The following PTK2 variants were observed in gnomAD, a reference collection of about 807,000 sequenced individuals.
PTK2 encodes focal adhesion kinase 1.
Under a neutral mutation model 150.1 loss-of-function variants are expected in PTK2, and 45 were observed. That is an observed-to-expected ratio of 0.30 (90% CI 0.24 to 0.38). The LOEUF (loss-of-function observed/expected upper bound fraction) is 0.38, where lower values mean the gene tolerates loss of function less well. Among genes scored for constraint, PTK2 ranks in the 10% least tolerant of loss-of-function variants. The pLI, the probability that PTK2 is intolerant of heterozygous loss-of-function variation, is 1.00. For missense variants in PTK2, 919 were observed against 1,307.3 expected (o/e 0.70, Z 4.58); for synonymous variants, 432 against 449.2 (o/e 0.96, Z 0.48).
chr8:140,743,454 A>G, intron 19 of PTK2, 124 bp from the exon 23 acceptor site: 1 of 543,794 alleles, frequency 1.8e-6, no homozygotes, highest in Non-Finnish European at 3.2e-6. Context: ...AGCAGATTAT[A>G]TGATATTTAT....
intron 7 of PTK2, among the ~76,000 whole-genome samples, chr8:140,833,671 C>T (rs913391510): frequency 7.2e-5 from 11 of 152,160 alleles, no homozygotes; most frequent in East Asian, 3.9e-4. Context: ...GTCCTGTATG[C>T]GAATAAAACA....
chr8:140,906,920 A>G (rs1375383722), intron 2 of PTK2, among the ~76,000 whole-genome samples: 1 of 152,228 alleles, frequency 6.6e-6, no homozygotes, highest in African/African-American at 2.4e-5. Flanking sequence ...CAATATTTAC[A>G]TACCAATAAC....
At chr8:140,674,859 C>A (rs1443358888) in intron 28 of PTK2, among the ~76,000 whole-genome samples, 3 of 148,428 alleles carry the variant, frequency 2.0e-5, no homozygotes, top group African/African-American at 7.4e-5. Flanking sequence ...CCAGCCTGGG[C>A]AACACGATGA....
At chr8:140,729,352 T>C (rs1437242363) in intron 22 of PTK2, among the ~76,000 whole-genome samples, 2 of 152,352 alleles carry the variant, frequency 1.3e-5, no homozygotes, top group East Asian at 3.9e-4. Context: ...CACCGTGTCA[T>C]GGCTTGGCTC....
intron 8 of PTK2, among the ~76,000 whole-genome samples, chr8:140,825,963 A>G (rs2100111531): frequency 6.6e-6 from 1 of 152,230 alleles, no homozygotes; most frequent in Non-Finnish European, 1.5e-5. Flanking sequence ...TAATTGAGGC[A>G]CATATATCCC....
At chr8:140,735,066 A>C in intron 22 of PTK2, 185 bp downstream of exon 25, 1 of 619,442 alleles carries the variant, frequency 1.6e-6, no homozygotes, top group East Asian at 2.8e-5. Flanking sequence ...TAAAGATATA[A>C]TTTACTTAAG....
intron 18 of PTK2, 47 bp from the exon 22 acceptor site, chr8:140,744,814 G>T: frequency 9.2e-7 from 1 of 1,092,050 alleles, no homozygotes; most frequent in Non-Finnish European, 1.3e-6. Context: ...AAGAATTAGT[G>T]GCAGTGAATC....
intron 4 of PTK2, among the ~76,000 whole-genome samples, chr8:140,875,475 G>T (rs926377051): frequency 6.6e-6 from 1 of 152,178 alleles, no homozygotes; most frequent in East Asian, 1.9e-4. Context: ...CCAGAGTGGA[G>T]GAGGAAGAGG....
At chr8:140,897,821 A>C (rs900746112) in intron 2 of PTK2, among the ~76,000 whole-genome samples, 9 of 152,212 alleles carry the variant, frequency 5.9e-5, no homozygotes, top group African/African-American at 2.2e-4. Context: ...TCTCTAAATG[A>C]AAAAAGTCTT....
intron 16 of PTK2, 93 bp downstream of exon 19, chr8:140,761,072 A>G: frequency 1.2e-6 from 1 of 807,698 alleles, no homozygotes; most frequent in Non-Finnish European, 2.1e-6. Context: ...ATTAATACCT[A>G]GAAGAACTAA....
chr8:140,866,183 G>A (rs2154606101), intron 4 of PTK2, among the ~76,000 whole-genome samples: 2 of 152,238 alleles, frequency 1.3e-5, no homozygotes, highest in South Asian at 4.1e-4. Flanking sequence ...TCAGCAAAAA[G>A]TTATCAGTTC....
At chr8:140,683,223 A>C (rs10087048) in intron 27 of PTK2, among the ~76,000 whole-genome samples, 124,102 of 152,134 alleles carry the variant, frequency 0.82, 50,979 homozygotes, top group African/African-American at 0.86. Flanking sequence ...ATTATGAACA[A>C]CTCTATGCAC....
chr8:140,845,192 G>A (rs931876546), intron 7 of PTK2, among the ~76,000 whole-genome samples: 1 of 151,878 alleles, frequency 6.6e-6, no homozygotes, highest in South Asian at 2.1e-4. Context: ...TCTAAATTGC[G>A]AATCTCATCA....
chr8:140,831,079 A>T (rs753964546), intron 7 of PTK2, among the ~76,000 whole-genome samples: 1 of 152,222 alleles, frequency 6.6e-6, no homozygotes, highest in Non-Finnish European at 1.5e-5. Flanking sequence ...AAACAGATAA[A>T]TTTATGCCCT....
intron 8 of PTK2, among the ~76,000 whole-genome samples, chr8:140,827,710 G>A (rs1285123694): frequency 6.6e-6 from 1 of 152,106 alleles, no homozygotes; most frequent in Non-Finnish European, 1.5e-5. Flanking sequence ...TCATATTGCT[G>A]TTATTCATTA....
In PTK2 at chr8:140,782,517, C is replaced by G. The variant is rs139247516; in HGVS notation, c.1177+6957G>C. ...CCTTCCAAAGTGCTAGGACTACAGG[C>G]GTGAGGCACTGTGCCTGGCCTAAAT... On this transcript the variant is annotated intron_variant, in intron 14 of 31. Coordinates refer to ENST00000522684, the Ensembl canonical transcript of PTK2. Among the ~76,000 whole-genome samples the G allele has an allele frequency of 1.9e-4, 29 of 152,168 alleles. No homozygotes were observed. In the East Asian group the frequency reaches 5.0e-3, roughly 26 times the overall value.
At chr8:140,956,723 T>C (rs753133660) in intron 1 of PTK2, among the ~76,000 whole-genome samples, 4 of 152,170 alleles carry the variant, frequency 2.6e-5, no homozygotes, top group Non-Finnish European at 5.9e-5. Flanking sequence ...TGTGTGGGTC[T>C]ACCCTAATGT....
At chr8:140,964,319 T>C (rs886684822) in intron 1 of PTK2, among the ~76,000 whole-genome samples, 13 of 151,984 alleles carry the variant, frequency 8.6e-5, no homozygotes, top group African/African-American at 2.9e-4. Flanking sequence ...CTCAGACACC[T>C]GAGCTCAAGC....
chr8:140,803,354 A>C (rs2100096391), intron 11 of PTK2, among the ~76,000 whole-genome samples, 189 bp downstream of exon 11: 1 of 152,036 alleles, frequency 6.6e-6, no homozygotes, highest in African/African-American at 2.4e-5. Context: ...ATGATTTTTA[A>C]ATCTGTCTCC....
Sources: allele counts gnomAD v4.1 joint callset (sites outside exome capture counted in the v4.1 genomes callset), GRCh38; gene constraint gnomAD v4.1.1; transcripts MANE v1.5; gene names NCBI Gene and HGNC (gene_info 2026-07-23, HGNC 2026-07-21).